The following TMEM47 variants were observed in gnomAD, a reference collection of about 807,000 sequenced individuals.
TMEM47 encodes the protein brain cell membrane protein 1.
Under a neutral mutation model 12.4 loss-of-function variants are expected in TMEM47, and 3 were observed. That is an observed-to-expected ratio of 0.24 (90% CI 0.11 to 0.63). The LOEUF (loss-of-function observed/expected upper bound fraction) is 0.63. Among genes scored for constraint, TMEM47 ranks in the 20% least tolerant of loss-of-function variants. The pLI, the probability that TMEM47 is intolerant of heterozygous loss-of-function variation, is 0.86. For missense variants in TMEM47, 89 were observed against 143.8 expected, an observed-to-expected ratio of 0.62 and a Z score of 1.95; for synonymous variants, 62 against 63.3, an observed-to-expected ratio of 0.98 and a Z score of 0.10.
chrX:34,650,338 T>G (rs768670627), intron 1 of TMEM47, among the ~76,000 whole-genome samples: 10 of 111,870 alleles, frequency 8.9e-5, no homozygotes, highest in African/African-American at 3.2e-4. Context: ...TACAGAACAT[T>G]TTAAAAACCA....
chrX:34,635,938 G>T (rs755549064), intron 2 of TMEM47, among the ~76,000 whole-genome samples: 1 of 111,684 alleles, frequency 9.0e-6, no homozygotes, highest in South Asian at 3.7e-4. Context: ...ATGATTTGGA[G>T]AATAAAAAGC....
chrX:34,646,490 A>G (rs1379799094), intron 1 of TMEM47, among the ~76,000 whole-genome samples: 2 of 112,136 alleles, frequency 1.8e-5, no homozygotes, highest in Non-Finnish European at 3.8e-5. Flanking sequence ...GATGGTAACT[A>G]GTGTTACCTA....
chrX:34,643,408 A>G lies in TMEM47; in HGVS notation c.227-4021T>C, dbSNP rs777540902. ...CTTGTTCTACCCTGACTTTTCCACCAAAAGATTTGCATGCCACAAATACCT... is the reference window on the plus strand; with the variant it reads ...CTTGTTCTACCCTGACTTTTCCACCGAAAGATTTGCATGCCACAAATACCT... On this transcript the variant is annotated intron_variant, in intron 1 of 2. Coordinates refer to ENST00000275954, the MANE Select transcript of TMEM47 (RefSeq NM_031442.4). 5.4e-5 allele frequency among the ~76,000 whole-genome samples: 6 copies of G among 111,367 alleles called. No homozygotes were observed. The East Asian group carries it at 1.1e-3, about 21-fold the overall frequency.
chrX:34,645,350 C>T (rs895070894), intron 1 of TMEM47, among the ~76,000 whole-genome samples: 1 of 111,860 alleles, frequency 8.9e-6, no homozygotes, highest in Non-Finnish European at 1.9e-5. Flanking sequence ...ATTATTTTCA[C>T]GAAATGTAAC....
intron 2 of TMEM47, among the ~76,000 whole-genome samples, chrX:34,635,745 T>C (rs1291910284): frequency 9.9e-5 from 11 of 110,873 alleles, no homozygotes; most frequent in Non-Finnish European, 2.1e-4. Context: ...CAAAATAAAG[T>C]AGGGGAAGAC....
chrX:34,639,918 C>T (rs759271942), intron 1 of TMEM47, among the ~76,000 whole-genome samples: 55 of 111,664 alleles, frequency 4.9e-4, no homozygotes, highest in Non-Finnish European at 8.1e-4. Flanking sequence ...TGTTAAACTT[C>T]ATATAAATGG....
At chrX:34,640,214 G>C (rs1283107197) in intron 1 of TMEM47, among the ~76,000 whole-genome samples, 3 of 111,298 alleles carry the variant, frequency 2.7e-5, no homozygotes, top group African/African-American at 6.6e-5. Context: ...TATTCCCAGG[G>C]AGCCAGAATG....
chrX:34,645,627 A>C (rs2147140621), intron 1 of TMEM47, among the ~76,000 whole-genome samples: 1 of 111,885 alleles, frequency 8.9e-6, no homozygotes, highest in African/African-American at 3.2e-5. Context: ...ATACTGCATT[A>C]ATTTTCCACC....
At chrX:34,636,663 T>C (rs1253127571) in intron 2 of TMEM47, among the ~76,000 whole-genome samples, 4 of 111,989 alleles carry the variant, frequency 3.6e-5, no homozygotes, top group Non-Finnish European at 7.5e-5. Flanking sequence ...AGAAATATGC[T>C]GTAGTCAACT....
intron 1 of TMEM47, among the ~76,000 whole-genome samples, chrX:34,640,070 C>T (rs1407417017): frequency 3.6e-5 from 4 of 111,862 alleles, no homozygotes; most frequent in African/African-American, 1.3e-4. Context: ...TTATTTGTCT[C>T]TCCTCCACTC....
chrX:34,632,254 A>T (rs1341610579), intron 2 of TMEM47, among the ~76,000 whole-genome samples: 1 of 112,194 alleles, frequency 8.9e-6, no homozygotes, highest in African/African-American at 3.2e-5. Context: ...AAAGAAAAGG[A>T]GGGAACAAAC....
intron 1 of TMEM47, among the ~76,000 whole-genome samples, chrX:34,639,863 T>A (rs1048566920): frequency 3.6e-5 from 4 of 111,527 alleles, no homozygotes; most frequent in African/African-American, 6.5e-5. Context: ...CCCTCCCACC[T>A]GGGCTACTGA....
Position 34,639,520 on chromosome X carries a change from G to T in TMEM47, c.227-133C>A, listed in dbSNP as rs1601965963. On this transcript the variant is annotated intron_variant, in intron 1 of 2. Coordinates refer to ENST00000275954, the MANE Select transcript of TMEM47 (RefSeq NM_031442.4). ...GCATGCTAAGCATCCTTTGGGGTTT[G>T]AAATGTTTTGCAACAAAAATGAATA... 6 of 653,253 alleles carry T rather than the reference G, an allele frequency of 9.2e-6. No homozygotes were observed. The East Asian group carries it at 2.1e-4, about 23-fold the overall frequency. The allele number at this position is 653,253 out of a possible 1,213,427, so 53.8% of individuals were successfully genotyped here.
Position 34,630,319 on chromosome X carries a change from G to T in TMEM47, c.540C>A (p.Tyr180Ter). 8.3e-7 allele frequency: 1 copy of T among 1,204,563 alleles called. No homozygotes were observed. Among genetic ancestry groups the T allele is most frequent in the Non-Finnish European group, 1.1e-6 (1 of 891,435 alleles). ...TACTTTGAGACTATTGGTTCTAGTA[G>T]TAGTCTTCATAGTTCTTAGGGTTCA... The part of the protein sequence containing the change: ...YCLNPKNYED[Y>*]Y The change falls in exon 3 of 3, where the codon TAC becomes TAA. Residue 180 changes from tyrosine to a stop codon, truncating the protein, a stop_gained. Coordinates refer to ENST00000275954, the MANE Select transcript of TMEM47 (RefSeq NM_031442.4). LOFTEE classifies it high-confidence loss of function.
Position 34,639,147 on chromosome X carries a change from C to T in TMEM47, c.367+100G>A, listed in dbSNP as rs748432748. On this transcript the variant is annotated intron_variant, in intron 2 of 2. Transcript: ENST00000275954. Reference sequence around the variant, plus strand: ...TATAGTAAATGCCTCTCAATTTTTACGTAATGCAGCAAACACATACCTCTT... The same window carrying T: ...TATAGTAAATGCCTCTCAATTTTTATGTAATGCAGCAAACACATACCTCTT... The T allele has an allele frequency of 4.9e-5, 47 of 962,880 alleles. No individual in the cohort carries two copies. The Admixed American group carries it at 7.7e-4, about 16-fold the overall frequency. 79.4% of individuals were successfully genotyped at this position (962,880 alleles called of 1,213,427 possible).
At chrX:34,640,203 G>A (rs1031478920) in intron 1 of TMEM47, among the ~76,000 whole-genome samples, 1 of 111,326 alleles carries the variant, frequency 9.0e-6, no homozygotes, top group African/African-American at 3.3e-5. Flanking sequence ...CTAAAATTAA[G>A]TATTCCCAGG....
rs1921632617 is a variant in TMEM47, at chrX:34,631,903, G to A, written c.368-1412C>T. Among the ~76,000 whole-genome samples the A allele has an allele frequency of 2.7e-5, 3 of 111,349 alleles. No individual in the cohort carries two copies. The Admixed American group carries it at 2.9e-4, about 11-fold the overall frequency. On this transcript the variant is annotated intron_variant, in intron 2 of 2. Transcript: ENST00000275954. ...AACTACAGCTTCATTCTCTACCATAGGACAGCTTCCACCCTCAAGAAATAG... is the reference window on the plus strand; with the variant it reads ...AACTACAGCTTCATTCTCTACCATAAGACAGCTTCCACCCTCAAGAAATAG...
Position 34,656,835 on chromosome X carries a change from G to A in TMEM47, c.195C>T (p.Asp65=). The change falls in exon 1 of 3, where the codon GAC becomes GAT. Residue 65 remains aspartate, a synonymous_variant. Transcript: ENST00000275954. ...TGAGCGTGGACTCGCAGTGCCAGAT[G>A]TCCAAGCTGGCGGGTTTCCGGCAGG... ...WESCRKPASL[D]IWHCESTLSS... is the part of the protein sequence containing the mutation. 1.7e-6 allele frequency: 2 copies of A among 1,169,980 alleles called. No individual in the cohort carries two copies. Among genetic ancestry groups the A allele is most frequent in the Non-Finnish European group, 2.3e-6 (2 of 874,784 alleles).
intron 2 of TMEM47, among the ~76,000 whole-genome samples, chrX:34,633,136 G>A (rs1337761758): frequency 1.2e-5 from 1 of 84,201 alleles, no homozygotes. Context: ...ACAGTTTAAG[G>A]CATTATGCTA....
Sources: allele counts gnomAD v4.1 joint callset (sites outside exome capture counted in the v4.1 genomes callset), GRCh38; gene constraint gnomAD v4.1.1; transcripts MANE v1.5; gene names NCBI Gene and HGNC (gene_info 2026-07-23, HGNC 2026-07-21).